CHSY3: variants seen among roughly 807,000 people sequenced by gnomAD.
CHSY3 encodes chondroitin sulfate synthase 3.
CHSY3 carries 35 observed loss-of-function variants against 67.2 expected under a neutral mutation model. The observed-to-expected ratio is 0.52, with a 90% CI of 0.40 to 0.69. The LOEUF (loss-of-function observed/expected upper bound fraction) is 0.69, where lower values mean the gene tolerates loss of function less well. CHSY3 is among the 30% of genes least tolerant of loss of function. The probability of loss-of-function intolerance (pLI) is 0.00; values close to 1 mark genes in which losing one functional copy is unlikely to be tolerated. For synonymous variants in CHSY3, 474 were observed against 434.7 expected (o/e 1.09, Z -1.12); for missense variants, 1,069 against 1,138.5 (o/e 0.94, Z 0.88).
intron 2 of CHSY3, among the ~76,000 whole-genome samples, chr5:129,966,907 A>G (rs1762484081): frequency 6.6e-6 from 1 of 151,842 alleles, no homozygotes; most frequent in Non-Finnish European, 1.5e-5. Context: ...CAGATACTGT[A>G]AGTAACTTTA....
At chr5:130,182,333 T>C (rs2149737805) in intron 2 of CHSY3, among the ~76,000 whole-genome samples, 1 of 152,300 alleles carries the variant, frequency 6.6e-6, no homozygotes, top group Admixed American at 6.5e-5. Flanking sequence ...GTCACTTTTC[T>C]GCTAGGTTTG....
At chr5:130,100,886 T>C (rs77880357) in intron 2 of CHSY3, among the ~76,000 whole-genome samples, 2,244 of 152,314 alleles carry the variant, frequency 0.015, 62 homozygotes, top group African/African-American at 0.051. Flanking sequence ...CTTTTTGATC[T>C]AATCAAACAT....
chr5:130,096,681 G>A (rs867484179), intron 2 of CHSY3, among the ~76,000 whole-genome samples: 2 of 151,954 alleles, frequency 1.3e-5, no homozygotes, highest in Admixed American at 6.6e-5. Flanking sequence ...TAAGTATGAC[G>A]TAAGGTGTTG....
intron 2 of CHSY3, among the ~76,000 whole-genome samples, chr5:130,098,161 C>T (rs1480119365): frequency 6.6e-6 from 1 of 152,106 alleles, no homozygotes; most frequent in East Asian, 1.9e-4. Context: ...ACATTTTCAT[C>T]CCTTGAAGTA....
chr5:130,096,167 A>AATAT (rs138972905), intron 2 of CHSY3, among the ~76,000 whole-genome samples: 29 of 150,014 alleles, frequency 1.9e-4, no homozygotes, highest in African/African-American at 6.6e-4. Context: ...AAACTGGAGA[A>AATAT]ATATATATAT....
chr5:130,179,311 T>C (rs554422092), intron 2 of CHSY3, among the ~76,000 whole-genome samples: 2 of 152,280 alleles, frequency 1.3e-5, no homozygotes, highest in South Asian at 4.1e-4. Context: ...AAATTGTATC[T>C]TTATGTCTTC....
rs550848701 is a variant in CHSY3 at position 130,185,213 on chromosome 5, A to T, written c.2071A>T (p.Met691Leu). 7 of 1,609,174 alleles carry T rather than the reference A, an allele frequency of 4.4e-6. No individual in the cohort carries two copies. In the Admixed American group the frequency reaches 1.2e-4, roughly 27 times the overall value. Residue 691 changes from methionine (M) to leucine (L), a missense_variant, in exon 3 of 3, where the codon ATG (methionine) becomes TTG (leucine). Physicochemically the swap from Met to Leu is conservative, Grantham distance 15 (BLOSUM62 2). Around this residue, in one of 5 missense-constraint regions of CHSY3, gnomAD observed 401 missense variants for 395.2 expected, o/e 1.01. Coordinates refer to ENST00000305031, the MANE Select transcript of CHSY3 (RefSeq NM_175856.5). ...YPKAEMTLIP[M>L]KGEFSRGLGL... ...CAAAGCAGAAATGACCCTGATCCCAATGAAGGGAGAGTTTTCCAGAGGTCT... is the reference window on the plus strand; with the variant it reads ...CAAAGCAGAAATGACCCTGATCCCATTGAAGGGAGAGTTTTCCAGAGGTCT...
intron 2 of CHSY3, among the ~76,000 whole-genome samples, chr5:130,043,198 G>GT (rs1197298529): frequency 4.6e-5 from 7 of 151,224 alleles, no homozygotes; most frequent in South Asian, 4.2e-4. Context: ...TTGTTTGTTT[G>GT]TTTTTTTTAC....
rs182284144 is a variant in CHSY3 at position 129,959,491 on chromosome 5, T to C, written c.1086+51131T>C. 7.9e-5 allele frequency among the ~76,000 whole-genome samples: 12 copies of C among 152,256 alleles called. No homozygotes were observed. In the East Asian group the frequency reaches 2.3e-3, roughly 29 times the overall value. Reference sequence around the variant, plus strand: ...CTTCTCTATTTTCTTCACTTTCATATTTATTCAGTAGAGCAGAGATTCTTA... The same window carrying C: ...CTTCTCTATTTTCTTCACTTTCATACTTATTCAGTAGAGCAGAGATTCTTA... On this transcript the variant is annotated intron_variant, in intron 2 of 2. Transcript: ENST00000305031.
chr5:130,131,688 A>G (rs1368167780), intron 2 of CHSY3, among the ~76,000 whole-genome samples: 1 of 152,150 alleles, frequency 6.6e-6, no homozygotes. Flanking sequence ...ATGGTAAACT[A>G]TCACAGGTTG....
upstream of CHSY3, among the ~76,000 whole-genome samples, chr5:129,904,233 A>C (rs886462428): frequency 4.4e-5 from 6 of 137,234 alleles, no homozygotes; most frequent in Non-Finnish European, 7.7e-5. Flanking sequence ...GCGGCCCGAC[A>C]GGGATCGTTT....
Position 130,184,745 on chromosome 5 carries a change from G to T in CHSY3, c.1603G>T (p.Val535Leu), listed in dbSNP as rs368170459. 6.2e-7 allele frequency: 1 copy of T among 1,601,988 alleles called. No individual in the cohort carries two copies. Among genetic ancestry groups the T allele is most frequent in the East Asian group, 2.2e-5 (1 of 44,828 alleles). The change falls in exon 3 of 3, where the codon GTG becomes TTG. Residue 535 changes from valine to leucine, a missense_variant. Transcript: ENST00000305031. The part of the protein sequence containing the change: ...GYRRVNPMHG[V>L]EYILDLLLLY... ...CCGCAGAGTTAACCCCATGCACGGG[G>T]TGGAGTACATTTTGGATTTACTCCT...
In CHSY3 at chr5:130,154,621, C is replaced by T. The variant is rs549700751; in HGVS notation, c.1087-29608C>T. Among the ~76,000 whole-genome samples, 22 of 152,204 alleles carry T rather than the reference C, an allele frequency of 1.4e-4. No individual in the cohort carries two copies. The South Asian group carries it at 1.5e-3, about 10-fold the overall frequency. ...AATCATTGGGTTGAGAGTGTGTCTT[C>T]TTCAATTCTGGTGGTTATGTAGCAC... On this transcript the variant is annotated intron_variant, in intron 2 of 2. Transcript: ENST00000305031.
chr5:130,021,897 G>A (rs779375875), intron 2 of CHSY3, among the ~76,000 whole-genome samples: 8 of 152,154 alleles, frequency 5.3e-5, no homozygotes, highest in African/African-American at 1.2e-4. Context: ...TATTGTTTAC[G>A]CATTGTCTTG....
chr5:130,177,658 C>T (rs1413779785), intron 2 of CHSY3, among the ~76,000 whole-genome samples: 2 of 152,062 alleles, frequency 1.3e-5, no homozygotes, highest in Non-Finnish European at 2.9e-5. Context: ...CACTGTCCTC[C>T]CAGGAGGCAT....
At chr5:130,150,394 AAAAT>A (rs2149723823) in intron 2 of CHSY3, among the ~76,000 whole-genome samples, 1 of 152,296 alleles carries the variant, frequency 6.6e-6, no homozygotes, top group South Asian at 2.1e-4. Flanking sequence ...ATTAATTTAT[AAAAT>A]AAATAAAATA....
At chr5:129,987,483 C>CCTTT (rs1403708396) in intron 2 of CHSY3, among the ~76,000 whole-genome samples, 1 of 152,102 alleles carries the variant, frequency 6.6e-6, no homozygotes, top group African/African-American at 2.4e-5. Context: ...GATATCAACT[C>CCTTT]CTTTATAAGC....
At chr5:130,041,957 A>T (rs1175013528) in intron 2 of CHSY3, among the ~76,000 whole-genome samples, 1 of 152,158 alleles carries the variant, frequency 6.6e-6, no homozygotes, top group Non-Finnish European at 1.5e-5. Context: ...TTTAAAAATC[A>T]GCCTGGTACA....
intron 2 of CHSY3, among the ~76,000 whole-genome samples, chr5:129,912,015 A>G (rs1173614069): frequency 6.6e-6 from 1 of 152,176 alleles, no homozygotes; most frequent in East Asian, 1.9e-4. Flanking sequence ...GAGATAGCCC[A>G]CTGCACTCCA....
Sources: gnomAD v4.1 joint callset for allele counts (sites outside exome capture counted in the v4.1 genomes callset) on GRCh38, gnomAD v4.1.1 for gene constraint, gnomAD v4.1.1 regional missense constraint, MANE v1.5 for transcripts, NCBI Gene and HGNC (gene_info 2026-07-23, HGNC 2026-07-21) for gene names.